ARMC2: variants seen among roughly 807,000 people sequenced by gnomAD.
ARMC2 encodes the protein armadillo repeat containing 2.
Under a neutral mutation model 90.3 loss-of-function variants are expected in ARMC2, and 67 were observed. That is an observed-to-expected ratio of 0.74 (90% CI 0.61 to 0.91). ARMC2 has a LOEUF of 0.91. ARMC2 is among the 40% of genes least tolerant of loss of function. ARMC2 has a pLI of 0.00. For synonymous variants in ARMC2, 393 were observed against 393.0 expected (o/e 1.00, Z 0.00); for missense variants, 920 against 1,030.9 (o/e 0.89, Z 1.47).
At chr6:108,948,317 C>T (rs1340163286) in intron 12 of ARMC2, among the ~76,000 whole-genome samples, 1 of 152,072 alleles carries the variant, frequency 6.6e-6, no homozygotes, top group Non-Finnish European at 1.5e-5. Context: ...TGAGTCAAGA[C>T]AAGCCCTGGC....
chr6:108,855,694 GAT>G (rs1774511587), intron 2 of ARMC2, among the ~76,000 whole-genome samples: 1 of 152,232 alleles, frequency 6.6e-6, no homozygotes, highest in South Asian at 2.1e-4. Flanking sequence ...ATGAATGAGA[GAT>G]CCTGTTCCTC....
intron 15 of ARMC2, 143 bp downstream of exon 15, chr6:108,962,270 G>A (rs186315959): frequency 1.4e-6 from 1 of 723,074 alleles, no homozygotes; most frequent in Non-Finnish European, 2.3e-6. Context: ...TCCTGGCTCA[G>A]GATGCCAAGA....
At chr6:109,048,871 C>T in the ARMC2 span, among the ~76,000 whole-genome samples, 11 of 152,194 alleles carry the variant, frequency 7.2e-5, no homozygotes, top group African/African-American at 2.7e-4. Context: ...TGTAATCCTA[C>T]TCCAATGTGT....
chr6:108,940,100 A>T (rs142683867), intron 12 of ARMC2, among the ~76,000 whole-genome samples: 2 of 152,102 alleles, frequency 1.3e-5, no homozygotes, highest in Admixed American at 1.3e-4. Flanking sequence ...TTTGTTTGCA[A>T]TTAGCAAGGG....
intron 3 of ARMC2, among the ~76,000 whole-genome samples, chr6:108,861,492 C>T (rs1775239451): frequency 2.0e-5 from 3 of 152,158 alleles, no homozygotes; most frequent in Admixed American, 6.5e-5. Context: ...ATGTATAGTC[C>T]ATGTCCAAAT....
intron 11 of ARMC2, among the ~76,000 whole-genome samples, chr6:108,932,170 T>C (rs917055565): frequency 6.6e-6 from 1 of 152,028 alleles, no homozygotes; most frequent in Non-Finnish European, 1.5e-5. Flanking sequence ...TGCAAATATT[T>C]TCTCCAATTC....
chr6:108,914,094 C>T (rs1326551550), intron 10 of ARMC2, among the ~76,000 whole-genome samples: 1 of 152,082 alleles, frequency 6.6e-6, no homozygotes, highest in Non-Finnish European at 1.5e-5. Flanking sequence ...CTTTCCAACC[C>T]CATCTTATAC....
chr6:108,964,207 A>G lies in ARMC2; in HGVS notation c.2180A>G (p.Asp727Gly). 1 of 1,613,958 alleles carries G rather than the reference A, an allele frequency of 6.2e-7. No homozygotes were observed. Among genetic ancestry groups the G allele is most frequent in the Non-Finnish European group, 8.5e-7 (1 of 1,179,876 alleles). The change falls in exon 16 of 18, where the codon GAT (aspartate) becomes GGT (glycine). Residue 727 changes from aspartate (D) to glycine (G), a missense_variant. Asp to Gly is a moderately conservative substitution (Grantham distance 94). Coordinates refer to ENST00000392644, the MANE Select transcript of ARMC2 (RefSeq NM_032131.6). The part of the protein sequence containing the change: ...NVHRFMMALL[D>G]AQHQDICFSA... ...CACAGGTTCATGATGGCGCTGCTGGATGCTCAGCATCAGGATATCTGCTTT... is the reference window on the plus strand; with the variant it reads ...CACAGGTTCATGATGGCGCTGCTGGGTGCTCAGCATCAGGATATCTGCTTT...
chr6:108,946,522 CA>C (rs1776823388), intron 12 of ARMC2, among the ~76,000 whole-genome samples: 1 of 152,214 alleles, frequency 6.6e-6, no homozygotes, highest in Admixed American at 6.5e-5. Context: ...ATCTGTTCTT[CA>C]AGCCACCTGC....
At chr6:108,895,292 A>G (rs923925684) in intron 6 of ARMC2, among the ~76,000 whole-genome samples, 2 of 149,872 alleles carry the variant, frequency 1.3e-5, no homozygotes, top group African/African-American at 4.9e-5. Flanking sequence ...ATGAAACCCC[A>G]TCTCTACCAA....
chr6:108,918,829 T>C (rs1009613689), intron 10 of ARMC2, among the ~76,000 whole-genome samples: 9 of 152,224 alleles, frequency 5.9e-5, no homozygotes, highest in African/African-American at 2.2e-4. Context: ...AGGCACATAG[T>C]AGGCACTCAC....
At chr6:108,995,133 T>C in the ARMC2 span, among the ~76,000 whole-genome samples, 3 of 152,224 alleles carry the variant, frequency 2.0e-5, no homozygotes, top group Non-Finnish European at 4.4e-5. Flanking sequence ...AAAAAAATGA[T>C]TTTAAGAACA....
chr6:108,956,285 T>C (rs912565365), intron 13 of ARMC2, among the ~76,000 whole-genome samples: 1 of 152,010 alleles, frequency 6.6e-6, no homozygotes, highest in Non-Finnish European at 1.5e-5. Flanking sequence ...ACATATAAAG[T>C]GAAAAAACTC....
At chr6:108,959,875 G>A (rs954920640) in intron 13 of ARMC2, among the ~76,000 whole-genome samples, 2 of 151,868 alleles carry the variant, frequency 1.3e-5, no homozygotes, top group Non-Finnish European at 2.9e-5. Context: ...TAGTGGAGAC[G>A]GGGTTTCACC....
chr6:108,981,006 G>A, the ARMC2 span, among the ~76,000 whole-genome samples: 3 of 152,014 alleles, frequency 2.0e-5, no homozygotes, highest in Admixed American at 6.6e-5. Context: ...AGGGACACTC[G>A]CCTTATTGTA....
At chr6:108,849,913 C>T (rs904738289) in intron 1 of ARMC2, among the ~76,000 whole-genome samples, 1 of 152,218 alleles carries the variant, frequency 6.6e-6, no homozygotes, top group Admixed American at 6.5e-5. Context: ...TAACCACTGC[C>T]TCTTTGGATG....
At chr6:109,006,953 GA>G in the ARMC2 span, among the ~76,000 whole-genome samples, 1 of 152,162 alleles carries the variant, frequency 6.6e-6, no homozygotes, top group Non-Finnish European at 1.5e-5. Flanking sequence ...GATTCTAGGA[GA>G]CAGAACTGCC....
intron 5 of ARMC2, among the ~76,000 whole-genome samples, chr6:108,880,954 C>T (rs2094445693): frequency 6.6e-6 from 1 of 151,948 alleles, no homozygotes; most frequent in African/African-American, 2.4e-5. Flanking sequence ...CTCCCTGGTT[C>T]AAGCGATTCT....
chr6:109,044,833 G>A, the ARMC2 span, among the ~76,000 whole-genome samples: 1 of 152,168 alleles, frequency 6.6e-6, no homozygotes, highest in East Asian at 1.9e-4. Context: ...AGACCAGCCT[G>A]ACCAACATGA....
Sources: allele counts gnomAD v4.1 joint callset (sites outside exome capture counted in the v4.1 genomes callset), GRCh38; gene constraint gnomAD v4.1.1; transcripts MANE v1.5; gene names NCBI Gene and HGNC (gene_info 2026-07-23, HGNC 2026-07-21).